The following PTPRM variants were observed in gnomAD, a reference collection of about 807,000 sequenced individuals.
PTPRM encodes the protein protein tyrosine phosphatase receptor type M.
Under a neutral mutation model 186.7 loss-of-function variants are expected in PTPRM, and 47 were observed. The observed-to-expected ratio is 0.25, with a 90% confidence interval of 0.20 to 0.32. The LOEUF is 0.32. Among genes scored for constraint, PTPRM ranks in the 10% least tolerant of loss-of-function variants. The pLI is 1.00. For synonymous variants in PTPRM, 668 were observed against 674.9 expected (o/e 0.99, Z 0.16); for missense variants, 1,494 against 1,865.0 (o/e 0.80, Z 3.66).
intron 5 of PTPRM, among the ~76,000 whole-genome samples, chr18:7,945,787 C>G (rs140983905): frequency 6.6e-6 from 1 of 151,920 alleles, no homozygotes; most frequent in East Asian, 1.9e-4. Flanking sequence ...ATAGTGTGTG[C>G]CCCATAAAAG....
At chr18:7,721,101 G>T (rs999899085) in intron 1 of PTPRM, among the ~76,000 whole-genome samples, 2 of 150,276 alleles carry the variant, frequency 1.3e-5, no homozygotes, top group East Asian at 3.9e-4. Flanking sequence ...GTGTGAAAGG[G>T]TTCCGGTTTC....
chr18:8,367,601 G>A (rs1054902290), intron 23 of PTPRM, among the ~76,000 whole-genome samples: 2 of 152,262 alleles, frequency 1.3e-5, no homozygotes, highest in African/African-American at 4.8e-5. Flanking sequence ...ATCCGGCCGC[G>A]GGGGACCAGG....
rs1178603481 is a variant in PTPRM at position 8,125,976 on chromosome 18, C to CATATAT, written c.2167+11196_2167+11201dup. Among the ~76,000 whole-genome samples, 85 of 59,630 alleles carry CATATAT rather than the reference C, an allele frequency of 1.4e-3. 1 individual carries two copies. The highest frequency in any genetic ancestry group is 4.3e-3 in the South Asian group (5 of 1,176). 39.1% of individuals were successfully genotyped at this position (59,630 alleles called of 152,430 possible). The stretch of plus-strand genomic sequence containing the variant: ...GGAGAATGCTATATGTGTGTGTATA[C>CATATAT]ATATATATATATATATATATATATA... On this transcript the variant is annotated intron_variant, in intron 13 of 32. Transcript: ENST00000580170.
chr18:8,300,862 T>C (rs756904912), intron 20 of PTPRM, among the ~76,000 whole-genome samples: 4 of 152,174 alleles, frequency 2.6e-5, no homozygotes, highest in Non-Finnish European at 5.9e-5. Flanking sequence ...CTGAAGCCCT[T>C]CCCTGGGTAT....
chr18:7,889,147 T>A (rs1336789379), intron 3 of PTPRM, among the ~76,000 whole-genome samples: 1 of 152,070 alleles, frequency 6.6e-6, no homozygotes, highest in Non-Finnish European at 1.5e-5. Flanking sequence ...TAAATTTTTA[T>A]AACAGTGCAA....
At chr18:7,842,839 T>G (rs866121527) in intron 2 of PTPRM, among the ~76,000 whole-genome samples, 3,218 of 85,232 alleles carry the variant, frequency 0.038, 56 homozygotes, top group African/African-American at 0.05. Context: ...TATATATATA[T>G]ATAGAGAGAG....
intron 5 of PTPRM, among the ~76,000 whole-genome samples, chr18:7,932,357 G>T (rs2051541403): frequency 6.6e-6 from 1 of 152,060 alleles, no homozygotes; most frequent in Non-Finnish European, 1.5e-5. Flanking sequence ...CTCTGAATTT[G>T]GAGCAATCTT....
At chr18:7,794,428 C>A (rs1364144009) in intron 2 of PTPRM, among the ~76,000 whole-genome samples, 2 of 152,068 alleles carry the variant, frequency 1.3e-5, no homozygotes, top group African/African-American at 2.4e-5. Flanking sequence ...CTGTCATATA[C>A]CCTGGGAGGG....
At chr18:8,021,660 G>A (rs919571511) in intron 7 of PTPRM, among the ~76,000 whole-genome samples, 1 of 152,076 alleles carries the variant, frequency 6.6e-6, no homozygotes, top group Non-Finnish European at 1.5e-5. Flanking sequence ...GAGGTTGCTG[G>A]CTTCCATCTT....
intron 2 of PTPRM, among the ~76,000 whole-genome samples, chr18:7,811,660 C>T (rs2044525644): frequency 6.6e-6 from 1 of 152,084 alleles, no homozygotes; most frequent in African/African-American, 2.4e-5. Context: ...CTACTGTGCC[C>T]AGCTGAAGAC....
chr18:8,033,734 T>A (rs1277197437), intron 7 of PTPRM, among the ~76,000 whole-genome samples: 1 of 152,236 alleles, frequency 6.6e-6, no homozygotes, highest in Non-Finnish European at 1.5e-5. Flanking sequence ...GAAAAGTTTG[T>A]TTTTAAATGA....
At chr18:8,203,520 T>C (rs1448792971) in intron 14 of PTPRM, among the ~76,000 whole-genome samples, 1 of 152,192 alleles carries the variant, frequency 6.6e-6, no homozygotes, top group Non-Finnish European at 1.5e-5. Flanking sequence ...TTAAAAGACA[T>C]TGGGAAAATT....
At chr18:7,815,147 C>T (rs1352915037) in intron 2 of PTPRM, 1 of 152,316 alleles carries the variant, frequency 6.6e-6, no homozygotes, top group Non-Finnish European at 1.5e-5. Context: ...GATTGCCTAG[C>T]CCACCACCTA....
At chr18:7,790,227 TATC>T (rs1314124871) in intron 2 of PTPRM, among the ~76,000 whole-genome samples, 1 of 152,188 alleles carries the variant, frequency 6.6e-6, no homozygotes, top group Non-Finnish European at 1.5e-5. Context: ...ATAAGGTCAT[TATC>T]ATTACTGACC....
chr18:8,072,454 C>G (rs1942954), intron 8 of PTPRM, among the ~76,000 whole-genome samples: 1 of 151,938 alleles, frequency 6.6e-6, no homozygotes. Flanking sequence ...CTATTGTTTT[C>G]CTAGCACACT....
At chr18:8,093,964 A>C (rs191192520) in intron 11 of PTPRM, among the ~76,000 whole-genome samples, 1 of 152,150 alleles carries the variant, frequency 6.6e-6, no homozygotes. Context: ...TGTGATTTAC[A>C]TGCCATTTTA....
intron 1 of PTPRM, among the ~76,000 whole-genome samples, chr18:7,735,067 C>A (rs969761256): frequency 5.0e-4 from 76 of 152,268 alleles, no homozygotes; most frequent in African/African-American, 1.8e-3. Context: ...CCAGGCATGC[C>A]TCATTGTACC....
At position 7,635,207 on chromosome 18, in the gene PTPRM, T is replaced by C. The variant is rs1012489510; in HGVS notation, c.73+67316T>C. Reference sequence around the variant, plus strand: ...AGTTTAAAATATTTTTCCAGCAGTATAGAAAAACAGAAGAAAATGGACTTA... The same window carrying C: ...AGTTTAAAATATTTTTCCAGCAGTACAGAAAAACAGAAGAAAATGGACTTA... On this transcript the variant is annotated intron_variant, in intron 1 of 32. Coordinates refer to ENST00000580170, the MANE Select transcript of PTPRM (RefSeq NM_001105244.2). 2.6e-5 allele frequency among the ~76,000 whole-genome samples: 4 copies of C among 152,316 alleles called. No individual in the cohort carries two copies. In the East Asian group the frequency reaches 5.8e-4, roughly 22 times the overall value.
intron 1 of PTPRM, among the ~76,000 whole-genome samples, chr18:7,744,167 G>A (rs2040938911): frequency 6.6e-6 from 1 of 152,060 alleles, no homozygotes; most frequent in East Asian, 1.9e-4. Flanking sequence ...CAGATTTGAG[G>A]CTCAAAAAGG....
Sources: gnomAD v4.1 joint callset for allele counts (sites outside exome capture counted in the v4.1 genomes callset) on GRCh38, gnomAD v4.1.1 for gene constraint, MANE v1.5 for transcripts, NCBI Gene and HGNC (gene_info 2026-07-23, HGNC 2026-07-21) for gene names.